The following MOV10L1 variants were observed in gnomAD, a reference collection of about 807,000 sequenced individuals.
MOV10L1 encodes Mov10 like RNA helicase 1, also known as RNA helicase Mov10l1.
In MOV10L1, 110 loss-of-function variants were observed where a neutral mutation model predicts 143.8. The ratio of observed to expected loss-of-function variants is 0.76; its 90% CI spans 0.66 to 0.90. The LOEUF is 0.90. MOV10L1 is among the 40% of genes least tolerant of loss of function. The probability of loss-of-function intolerance (pLI) is 0.00; values close to 1 mark genes in which losing one functional copy is unlikely to be tolerated. For synonymous variants in MOV10L1, 593 were observed against 581.1 expected (o/e 1.02, Z -0.29); for missense variants, 1,406 against 1,526.8 (o/e 0.92, Z 1.32).
In MOV10L1 at chr22:50,139,199, T is replaced by A. The variant is rs561200698; in HGVS notation, c.2071-2882T>A. On this transcript the variant is annotated intron_variant, in intron 15 of 26. Coordinates refer to ENST00000262794, the MANE Select transcript of MOV10L1 (RefSeq NM_018995.3). Reference sequence around the variant, plus strand: ...GCAGGGCACGCGCAAAACATGGACCTGGGTCCATAGCTCACAGCGCAGACA... The same window carrying A: ...GCAGGGCACGCGCAAAACATGGACCAGGGTCCATAGCTCACAGCGCAGACA... Among the ~76,000 whole-genome samples the A allele has an allele frequency of 2.6e-4, 39 of 152,250 alleles. No homozygotes were observed. In the East Asian group the frequency reaches 6.2e-3, roughly 24 times the overall value.
intron 18 of MOV10L1, among the ~76,000 whole-genome samples, chr22:50,144,828 G>A (rs71316586): frequency 0.13 from 20,150 of 151,992 alleles, 1,428 homozygotes; most frequent in East Asian, 0.22. Context: ...TGATCTGCCC[G>A]CCTCGGCCTC....
At position 50,120,581 on chromosome 22, in the gene MOV10L1, A is replaced by C. The variant is rs201298920; in HGVS notation, c.1534A>C (p.Ile512Leu). The change falls in exon 10 of 27, where the codon ATT becomes CTT. Residue 512 changes from isoleucine to leucine, a missense_variant. By Grantham distance (5) the Ile-to-Leu change is conservative. This residue lies in a region of MOV10L1 where 1,233 missense variants were observed against 1,351.4 expected (regional missense o/e 0.91). Transcript: ENST00000262794. The stretch of plus-strand genomic sequence containing the variant: ...ACTTAGAAAATGTGTGGAACAAAAA[A>C]TTGACATCCTGACTTTCCAGCCATT... ...DRLRKCVEQK[I>L]DILTFQPLLA... 35 of 1,613,486 alleles carry C rather than the reference A, an allele frequency of 2.2e-5. No individual in the cohort carries two copies. Among genetic ancestry groups the C allele is most frequent in the Non-Finnish European group, 2.5e-6 (3 of 1,179,604 alleles).
intron 19 of MOV10L1, among the ~76,000 whole-genome samples, chr22:50,148,873 C>T (rs537512268): frequency 2.0e-5 from 3 of 152,104 alleles, no homozygotes; most frequent in African/African-American, 7.2e-5. Flanking sequence ...ACCGTGTTAG[C>T]CAGGATGGTC....
At chr22:50,120,645 GT>G (rs1400910216) in intron 10 of MOV10L1, 29 bp downstream of exon 10, 20 of 1,463,694 alleles carry the variant, frequency 1.4e-5, no homozygotes, top group Non-Finnish European at 1.9e-5. Flanking sequence ...CCTGTGGGGT[GT>G]TGGCATCTTC....
rs1330849339 is a variant in MOV10L1, at chr22:50,142,132, G to A, written c.2122G>A (p.Val708Ile). 6.2e-7 allele frequency: 1 copy of A among 1,613,702 alleles called. No individual in the cohort carries two copies. The highest frequency in any genetic ancestry group is 2.2e-5 in the East Asian group (1 of 44,824). ...TGAGCATGGAACAGAGGAGAGGCGTGTTGGTGACAAGGACCTGCCGGTGCT... is the reference window on the plus strand; with the variant it reads ...TGAGCATGGAACAGAGGAGAGGCGTATTGGTGACAAGGACCTGCCGGTGCT... ...QAEHGTEERR[V>I]GDKDLPVLAP... is the part of the protein sequence containing the mutation. The change falls in exon 16 of 27, where the codon GTT (valine) becomes ATT (isoleucine). Residue 708 changes from valine to isoleucine, a missense_variant. This residue lies in a region of MOV10L1 where 1,233 missense variants were observed against 1,351.4 expected (regional missense o/e 0.91). Transcript: ENST00000262794.
At position 50,160,957 on chromosome 22, in the gene MOV10L1, C is replaced by G. The variant is rs1305514806; in HGVS notation, c.3463-7C>G. ...TCTCACACCAGGCTAATTGTTATTG[C>G]CAACAGGACCCCTGTTTTGGTGCTT... On this transcript the variant is annotated splice_region_variant and splice_polypyrimidine_tract_variant and intron_variant, in intron 25 of 26. Transcript: ENST00000262794. The G allele has an allele frequency of 5.0e-6, 8 of 1,613,942 alleles. No homozygotes were observed. The highest frequency in any genetic ancestry group is 6.8e-6 in the Non-Finnish European group (8 of 1,179,952).
chr22:50,134,669 G>A (rs2062771240), intron 15 of MOV10L1, 39 bp downstream of exon 15: 1 of 1,577,762 alleles, frequency 6.3e-7, no homozygotes, highest in African/African-American at 1.3e-5. Context: ...CACAGGGGAT[G>A]GCTCAGCGAC....
At chr22:50,128,575 C>CAAA in intron 13 of MOV10L1, 68 bp downstream of exon 13, 2 of 745,446 alleles carry the variant, frequency 2.7e-6, no homozygotes, top group Non-Finnish European at 4.2e-6. Flanking sequence ...GACTGGGTCT[C>CAAA]ATTCTGTTGC....
intron 3 of MOV10L1, among the ~76,000 whole-genome samples, chr22:50,101,974 T>C (rs1777114560): frequency 6.6e-6 from 1 of 152,058 alleles, no homozygotes; most frequent in African/African-American, 2.4e-5. Context: ...CTCTCAGGGG[T>C]GTCGCCAGGA....
At chr22:50,132,396 T>G (rs2062702745) in intron 13 of MOV10L1, among the ~76,000 whole-genome samples, 1 of 152,186 alleles carries the variant, frequency 6.6e-6, no homozygotes, top group Non-Finnish European at 1.5e-5. Flanking sequence ...TAAGGGAGAA[T>G]TGGAGAATTG....
intron 26 of MOV10L1, 21 bp from the exon 27 acceptor site, chr22:50,161,347 C>A (rs2063555306): frequency 1.3e-6 from 2 of 1,546,766 alleles, no homozygotes; most frequent in Non-Finnish European, 1.7e-6. Context: ...CACTGGCCAT[C>A]CGCTTCTCCT....
intron 3 of MOV10L1, among the ~76,000 whole-genome samples, chr22:50,103,206 C>T (rs982994329): frequency 1.3e-5 from 2 of 152,212 alleles, no homozygotes; most frequent in Non-Finnish European, 1.5e-5. Flanking sequence ...TGCTGGGGCA[C>T]GTGACTGGAG....
chr22:50,160,556 G>C lies in MOV10L1; in HGVS notation c.3325-132G>C, dbSNP rs1555894557. ...CGTGAGCCACCGCGCCCGGCCTCCT[G>C]TTTCTTTTTGAACCAAAAATGAGGT... On this transcript the variant is annotated intron_variant, in intron 24 of 26. Transcript: ENST00000262794. 19 of 1,232,460 alleles carry C rather than the reference G, an allele frequency of 1.5e-5. No homozygotes were observed. In the South Asian group the frequency reaches 3.0e-4, roughly 19 times the overall value. 76.3% of individuals were successfully genotyped at this position (1,232,460 alleles called of 1,614,324 possible). A position where few individuals can be genotyped will look rare whatever the true frequency, so the allele number is the denominator to read the frequency against.
chr22:50,127,472 G>A (rs990459847), intron 12 of MOV10L1, among the ~76,000 whole-genome samples: 4 of 152,228 alleles, frequency 2.6e-5, no homozygotes, highest in Admixed American at 2.0e-4. Context: ...TCATCCTCAG[G>A]GGAAACAATC....
intron 5 of MOV10L1, among the ~76,000 whole-genome samples, chr22:50,112,755 C>A (rs2062057578): frequency 6.6e-6 from 1 of 152,242 alleles, no homozygotes. Context: ...CACAGCCTTC[C>A]CGTGGCAAGA....
At chr22:50,107,106 G>A (rs1423157720) in intron 3 of MOV10L1, among the ~76,000 whole-genome samples, 4 of 150,738 alleles carry the variant, frequency 2.7e-5, no homozygotes, top group African/African-American at 4.9e-5. Flanking sequence ...ACGGTGTCTC[G>A]CTGTGTCACC....
In MOV10L1 at chr22:50,153,345, A is replaced by C. The variant is rs959984456; in HGVS notation, c.3066+127A>C. On this transcript the variant is annotated intron_variant, in intron 22 of 26. Transcript: ENST00000262794. ...GCAGATGTTCTGCTGGTCTCCAGAG[A>C]GTGAAAAGCCATCGGGGGCTTGTGC... 5 of 1,175,676 alleles carry C rather than the reference A, an allele frequency of 4.3e-6. No homozygotes were observed. In the African/African-American group the frequency reaches 6.1e-5, roughly 14 times the overall value. 72.8% of individuals were successfully genotyped at this position (1,175,676 alleles called of 1,614,324 possible). A position where few individuals can be genotyped will look rare whatever the true frequency, so the allele number is the denominator to read the frequency against.
At chr22:50,098,390 A>G (rs2062651900) in intron 2 of MOV10L1, among the ~76,000 whole-genome samples, 1 of 152,094 alleles carries the variant, frequency 6.6e-6, no homozygotes, top group African/African-American at 2.4e-5. Flanking sequence ...GAGGTATTTA[A>G]TTCATTCATT....
intron 3 of MOV10L1, among the ~76,000 whole-genome samples, chr22:50,104,464 C>T (rs1478068647): frequency 6.6e-6 from 1 of 152,224 alleles, no homozygotes. Flanking sequence ...TCCCATGAGG[C>T]CACGGCCCCT....
Sources: gnomAD v4.1 joint callset for allele counts (sites outside exome capture counted in the v4.1 genomes callset) on GRCh38, gnomAD v4.1.1 for gene constraint, gnomAD v4.1.1 regional missense constraint, MANE v1.5 for transcripts, NCBI Gene and HGNC (gene_info 2026-07-23, HGNC 2026-07-21) for gene names.